Variants in SMPD3 observed in about 807,000 individuals in gnomAD.
SMPD3 encodes the protein sphingomyelin phosphodiesterase 3.
SMPD3 carries 21 observed loss-of-function variants against 55.7 expected under a neutral mutation model. That is an observed-to-expected ratio of 0.38 (90% confidence interval 0.27 to 0.54). The LOEUF (loss-of-function observed/expected upper bound fraction) is 0.54, where lower values mean the gene tolerates loss of function less well. SMPD3 is among the 20% of genes least tolerant of loss of function. The pLI is 0.80. For synonymous variants in SMPD3, 457 were observed against 404.3 expected, an observed-to-expected ratio of 1.13 and a Z score of -1.56; for missense variants, 842 against 899.6, an observed-to-expected ratio of 0.94 and a Z score of 0.82.
At position 68,447,892 on chromosome 16, in the gene SMPD3, G is replaced by C. The variant is rs1208596466; in HGVS notation, c.-269+461C>G. ...CAGCCCTTCCTGAATACCCCTGGGA[G>C]GGTCTGGGCTAGGGGAGCGGTCCGC... On this transcript the variant is annotated intron_variant, in intron 1 of 8. Coordinates refer to ENST00000219334, the MANE Select transcript of SMPD3 (RefSeq NM_018667.4). The surrounding 1 kb of genome is among the most constrained non-coding windows in gnomAD (Gnocchi z 5.1). Among the ~76,000 whole-genome samples, 1 of 152,078 alleles carries C rather than the reference G, an allele frequency of 6.6e-6. No homozygotes were observed. The highest frequency in any genetic ancestry group is 1.5e-5 in the Non-Finnish European group (1 of 67,998).
chr16:68,371,913 G>A lies in SMPD3; in HGVS notation c.269C>T (p.Ser90Leu), dbSNP rs758377560. The stretch of plus-strand genomic sequence containing the variant: ...TGAATAGATGTAGGGCCGGCGGGCC[G>A]ACTGCAGTGGGGACCAGAAGAGAAA... ...LGFLFWSPLQ[S>L]ARRPYIYSRL... The change falls in exon 3 of 9, where the codon TCG becomes TTG. Residue 90 changes from serine (S) to leucine (L), a missense_variant. Ser to Leu is a moderately radical substitution (Grantham distance 145). Transcript: ENST00000219334. 31 of 1,610,884 alleles carry A rather than the reference G, an allele frequency of 1.9e-5. No homozygotes were observed. Among genetic ancestry groups the A allele is most frequent in the South Asian group, 1.7e-4 (15 of 90,306 alleles).
intron 1 of SMPD3, among the ~76,000 whole-genome samples, chr16:68,426,216 T>A (rs941328145): frequency 6.6e-6 from 1 of 152,210 alleles, no homozygotes; most frequent in Admixed American, 6.5e-5. Context: ...GAACGGAGAA[T>A]CTACTAAGGC....
At chr16:68,400,844 G>A (rs769252694) in intron 1 of SMPD3, among the ~76,000 whole-genome samples, 6 of 152,228 alleles carry the variant, frequency 3.9e-5, no homozygotes, top group Non-Finnish European at 7.3e-5. Flanking sequence ...GACTGTAACT[G>A]GGTTCAGGTA....
At chr16:68,439,506 T>C (rs1453452204) in intron 1 of SMPD3, among the ~76,000 whole-genome samples, 4 of 152,206 alleles carry the variant, frequency 2.6e-5, no homozygotes, top group Non-Finnish European at 5.9e-5. Context: ...TACCTGAAAG[T>C]CAGGGGCCTC....
intron 1 of SMPD3, among the ~76,000 whole-genome samples, chr16:68,445,703 C>T (rs530079573): frequency 6.6e-6 from 1 of 152,328 alleles, no homozygotes; most frequent in East Asian, 1.9e-4. Flanking sequence ...GCAGCCTGGG[C>T]TAGATAGATG....
At chr16:68,372,826 C>T (rs1183197082) in intron 2 of SMPD3, among the ~76,000 whole-genome samples, 1 of 152,184 alleles carries the variant, frequency 6.6e-6, no homozygotes, top group Non-Finnish European at 1.5e-5. Context: ...GTCAGAGGAG[C>T]CACAAACATG....
At chr16:68,417,558 T>G (rs1447355913) in intron 1 of SMPD3, among the ~76,000 whole-genome samples, 2 of 152,210 alleles carry the variant, frequency 1.3e-5, no homozygotes, top group Non-Finnish European at 2.9e-5. Context: ...ATATTGTGCT[T>G]CTTTTGGCCT....
intron 1 of SMPD3, among the ~76,000 whole-genome samples, chr16:68,423,112 G>A (rs190378005): frequency 6.6e-6 from 1 of 152,310 alleles, no homozygotes; most frequent in Admixed American, 6.5e-5. Context: ...GCTCAAAGAG[G>A]TGAAGTAATT....
chr16:68,411,185 A>C (rs2090297044), intron 1 of SMPD3, among the ~76,000 whole-genome samples: 1 of 152,244 alleles, frequency 6.6e-6, no homozygotes, highest in African/African-American at 2.4e-5. Context: ...GAGTGTCAGC[A>C]CAGTGCCCTC....
chr16:68,401,082 A>C (rs1470460883), intron 1 of SMPD3, among the ~76,000 whole-genome samples: 2 of 152,200 alleles, frequency 1.3e-5, no homozygotes, highest in Non-Finnish European at 2.9e-5. Context: ...ATAGTGAAAC[A>C]GAAGTACAGA....
At chr16:68,446,990 G>C (rs527948710) in intron 1 of SMPD3, among the ~76,000 whole-genome samples, 183 of 152,278 alleles carry the variant, frequency 1.2e-3, no homozygotes, top group African/African-American at 4.3e-3. Context: ...TTTCCATCCC[G>C]GCTCGCGCGG....
chr16:68,429,326 G>A (rs1293728184), intron 1 of SMPD3, among the ~76,000 whole-genome samples: 1 of 152,230 alleles, frequency 6.6e-6, no homozygotes, highest in Non-Finnish European at 1.5e-5. Context: ...CATGAGGGCT[G>A]GTTAGTGCTC....
chr16:68,437,560 A>G (rs2090532712), intron 1 of SMPD3, among the ~76,000 whole-genome samples: 1 of 152,176 alleles, frequency 6.6e-6, no homozygotes, highest in Non-Finnish European at 1.5e-5. Flanking sequence ...AACTGTGGAG[A>G]GCATCTGGAA....
intron 1 of SMPD3, among the ~76,000 whole-genome samples, chr16:68,408,194 A>G (rs2090268563): frequency 6.6e-6 from 1 of 152,214 alleles, no homozygotes; most frequent in Non-Finnish European, 1.5e-5. Context: ...TTTTTAAAAC[A>G]TTATTATTAT....
chr16:68,423,323 T>C (rs2090410961), intron 1 of SMPD3, among the ~76,000 whole-genome samples: 1 of 152,168 alleles, frequency 6.6e-6, no homozygotes, highest in South Asian at 2.1e-4. Flanking sequence ...ATTTCTTGTG[T>C]TAGAAACCTA....
At chr16:68,362,701 A>C (rs2089346187) in intron 7 of SMPD3, among the ~76,000 whole-genome samples, 1 of 152,258 alleles carries the variant, frequency 6.6e-6, no homozygotes, top group Non-Finnish European at 1.5e-5. Flanking sequence ...CAGCCTTAAG[A>C]TAAATACACT....
chr16:68,427,295 C>T (rs1486286312), intron 1 of SMPD3, among the ~76,000 whole-genome samples: 2 of 152,214 alleles, frequency 1.3e-5, no homozygotes, highest in Admixed American at 1.3e-4. Flanking sequence ...AGCCACCATG[C>T]CCAGCCTTAA....
In SMPD3 at chr16:68,429,518, C is replaced by T. The variant is rs565312409; in HGVS notation, c.-269+18835G>A. 5.9e-5 allele frequency among the ~76,000 whole-genome samples: 9 copies of T among 152,288 alleles called. No individual in the cohort carries two copies. The South Asian group carries it at 1.9e-3, about 32-fold the overall frequency. On this transcript the variant is annotated intron_variant, in intron 1 of 8. Transcript: ENST00000219334. ...TTCCAGGAGTATAATTGTTTCTGCT[C>T]TCAGCAAGACCTTGAGGGCAGAAAA...
intron 1 of SMPD3, among the ~76,000 whole-genome samples, chr16:68,428,550 GT>G (rs1456814434): frequency 6.6e-6 from 1 of 152,200 alleles, no homozygotes; most frequent in African/African-American, 2.4e-5. Context: ...TCCTCATACT[GT>G]CTTGAGTCTG....
Sources: gnomAD v4.1 joint callset for allele counts (sites outside exome capture counted in the v4.1 genomes callset) on GRCh38, gnomAD v4.1.1 for gene constraint, Gnocchi (gnomAD v3.1) non-coding constraint, MANE v1.5 for transcripts, NCBI Gene and HGNC (gene_info 2026-07-23, HGNC 2026-07-21) for gene names.